Variants in TFCP2 observed in about 807,000 individuals in gnomAD.
TFCP2 encodes the protein transcription factor CP2.
In TFCP2, 33 loss-of-function variants were observed where a neutral mutation model predicts 73.4. The ratio of observed to expected loss-of-function variants is 0.45; its 90% CI spans 0.34 to 0.60. The LOEUF is 0.60. Among genes scored for constraint, TFCP2 ranks in the 20% least tolerant of loss-of-function variants. TFCP2 has a pLI of 0.01. For synonymous variants in TFCP2, 193 were observed against 211.6 expected (o/e 0.91, Z 0.76); for missense variants, 352 against 604.0 (o/e 0.58, Z 4.37).
chr12:51,169,371 T>C (rs11169732), intron 1 of TFCP2, among the ~76,000 whole-genome samples: 25,432 of 151,354 alleles, frequency 0.17, 2,521 homozygotes, highest in South Asian at 0.26. Flanking sequence ...CATGATGGCG[T>C]GCGCCTGTAG....
rs1019883959 is a variant in TFCP2 at position 51,121,556 on chromosome 12, C to T, written c.123-2784G>A. On this transcript the variant is annotated intron_variant, in intron 1 of 14. Transcript: ENST00000257915. ...TCTCGGCTCACTGCAACCTCCACCT[C>T]CCGGGTTCAAGTGACTCTCCTGCCT... 8.6e-5 allele frequency among the ~76,000 whole-genome samples: 13 copies of T among 150,550 alleles called. No individual in the cohort carries two copies. The Middle Eastern group carries it at 0.01, about 118-fold the overall frequency.
intron 1 of TFCP2, among the ~76,000 whole-genome samples, chr12:51,132,387 T>TTTTTTTTTTG (rs1186866774): frequency 7.8e-6 from 1 of 127,578 alleles, no homozygotes; most frequent in Non-Finnish European, 1.7e-5. Context: ...TTTTTTTTTT[T>TTTTTTTTTTG]AGACAGAGTC....
At chr12:51,120,270 G>A (rs1940631138) in intron 1 of TFCP2, among the ~76,000 whole-genome samples, 1 of 150,980 alleles carries the variant, frequency 6.6e-6, no homozygotes, top group Non-Finnish European at 1.5e-5. Flanking sequence ...GAGAACGGAT[G>A]TACAAACCAT....
At chr12:51,142,777 C>T (rs1042509761) in intron 1 of TFCP2, among the ~76,000 whole-genome samples, 1 of 152,148 alleles carries the variant, frequency 6.6e-6, no homozygotes, top group Non-Finnish European at 1.5e-5. Context: ...AGTCTTTATA[C>T]ACAGAATCTC....
chr12:51,116,268 G>T (rs371071182), intron 4 of TFCP2, 47 bp downstream of exon 4: 9 of 1,054,910 alleles, frequency 8.5e-6, no homozygotes, highest in East Asian at 2.5e-5. Flanking sequence ...CCAACTCTGG[G>T]TCCATAGCTA....
chr12:51,114,994 G>A (rs1259032616), intron 4 of TFCP2, among the ~76,000 whole-genome samples: 1 of 145,656 alleles, frequency 6.9e-6, no homozygotes, highest in Non-Finnish European at 1.5e-5. Flanking sequence ...CTGGGAGGGA[G>A]AGGTTGTGGT....
intron 1 of TFCP2, among the ~76,000 whole-genome samples, chr12:51,167,878 C>G (rs921071301): frequency 6.6e-6 from 1 of 151,616 alleles, no homozygotes; most frequent in Non-Finnish European, 1.5e-5. Flanking sequence ...CTGAGCAACA[C>G]AGCAAGATCT....
At chr12:51,144,608 T>G (rs1375091121) in intron 1 of TFCP2, among the ~76,000 whole-genome samples, 3 of 152,246 alleles carry the variant, frequency 2.0e-5, no homozygotes, top group East Asian at 3.9e-4. Context: ...CTGGAAAAAT[T>G]AGACATTTGT....
intron 1 of TFCP2, among the ~76,000 whole-genome samples, chr12:51,162,092 A>C (rs1941661913): frequency 6.6e-6 from 1 of 152,146 alleles, no homozygotes; most frequent in Admixed American, 6.6e-5. Context: ...GAATCAATGA[A>C]CATGAAGATA....
At chr12:51,128,320 A>G (rs1207716738) in intron 1 of TFCP2, among the ~76,000 whole-genome samples, 1 of 152,134 alleles carries the variant, frequency 6.6e-6, no homozygotes, top group African/African-American at 2.4e-5. Context: ...ATAGGTTACT[A>G]AAAGAATAGT....
At position 51,118,762 on chromosome 12, in the gene TFCP2, C is replaced by G; in HGVS notation, c.133G>C (p.Ala45Pro). The part of the protein sequence containing the change: ...AGAYSMSDVL[A>P]LPIFKQEESS... ...TCTTCTTGCTTAAAAATGGGCAATG[C>G]AAGGACATCACTAAAATAAAACAAA... Residue 45 changes from alanine (A) to proline (P), a missense_variant, in exon 2 of 15, where the codon GCA becomes CCA. By Grantham distance (27) the Ala-to-Pro change is conservative. Transcript: ENST00000257915. 6.2e-7 allele frequency: 1 copy of G among 1,614,016 alleles called. No individual in the cohort carries two copies. Among genetic ancestry groups the G allele is most frequent in the Non-Finnish European group, 8.5e-7 (1 of 1,179,980 alleles).
chr12:51,097,534 T>C lies in TFCP2; in HGVS notation c.1419+1242A>G, dbSNP rs543139054. 8.5e-5 allele frequency among the ~76,000 whole-genome samples: 13 copies of C among 152,236 alleles called. 1 individual carries two copies. The East Asian group carries it at 1.2e-3, about 14-fold the overall frequency. On this transcript the variant is annotated intron_variant, in intron 13 of 14. Transcript: ENST00000257915. ...GTGCTGGGTTTACAGGCATGAGCCA[T>C]TGCGCCTGGGCAGCCTTCTTAATCT...
intron 4 of TFCP2, among the ~76,000 whole-genome samples, chr12:51,115,809 T>C (rs1306429242): frequency 2.0e-5 from 3 of 152,212 alleles, no homozygotes; most frequent in Non-Finnish European, 4.4e-5. Flanking sequence ...GGACAAATAC[T>C]GTATGATTTC....
At chr12:51,123,019 G>C (rs775768668) in intron 1 of TFCP2, among the ~76,000 whole-genome samples, 1 of 152,202 alleles carries the variant, frequency 6.6e-6, no homozygotes, top group African/African-American at 2.4e-5. Context: ...ATGAATGTAG[G>C]GTGGTTATTT....
At chr12:51,171,435 T>C (rs1177972174) in intron 1 of TFCP2, among the ~76,000 whole-genome samples, 1 of 151,858 alleles carries the variant, frequency 6.6e-6, no homozygotes, top group Non-Finnish European at 1.5e-5. Flanking sequence ...TGGAGTGCAA[T>C]GACACCATCT....
chr12:51,116,620 C>CTT (rs35866720), intron 3 of TFCP2, among the ~76,000 whole-genome samples, 200 bp from the exon 4 acceptor site: 35 of 143,990 alleles, frequency 2.4e-4, no homozygotes, highest in Non-Finnish European at 3.7e-4. Flanking sequence ...CAGATATAAT[C>CTT]TTTTTTTTTT....
At chr12:51,158,891 C>A (rs555210712) in intron 1 of TFCP2, among the ~76,000 whole-genome samples, 1 of 148,036 alleles carries the variant, frequency 6.8e-6, no homozygotes, top group South Asian at 2.3e-4. Flanking sequence ...CGGCCAGGTG[C>A]GGTGGCTCAA....
intron 1 of TFCP2, among the ~76,000 whole-genome samples, chr12:51,158,644 A>G (rs918793779): frequency 6.6e-6 from 1 of 151,736 alleles, no homozygotes; most frequent in African/African-American, 2.4e-5. Flanking sequence ...ATGAGCCACC[A>G]TGCCCAGCTA....
chr12:51,135,747 G>A (rs1217261238), intron 1 of TFCP2, among the ~76,000 whole-genome samples: 2 of 151,698 alleles, frequency 1.3e-5, no homozygotes, highest in Non-Finnish European at 2.9e-5. Context: ...ATGTCATCTA[G>A]GATGACCATC....
Sources: gnomAD v4.1 joint callset for allele counts (sites outside exome capture counted in the v4.1 genomes callset) on GRCh38, gnomAD v4.1.1 for gene constraint, MANE v1.5 for transcripts, NCBI Gene and HGNC (gene_info 2026-07-23, HGNC 2026-07-21) for gene names.